ITGAD: variants seen among roughly 807,000 people sequenced by gnomAD.
The protein encoded by ITGAD is integrin subunit alpha D, also known as integrin alpha-D.
A neutral mutation model predicts 139.0 loss-of-function variants in ITGAD; 105 were observed. The observed-to-expected ratio is 0.76, with a 90% confidence interval of 0.65 to 0.89. ITGAD has a LOEUF of 0.89. ITGAD is among the 40% of genes least tolerant of loss of function. The probability of loss-of-function intolerance (pLI) is 0.00; values close to 1 mark genes in which losing one functional copy is unlikely to be tolerated. For missense variants in ITGAD, 1,384 were observed against 1,487.3 expected (o/e 0.93, Z 1.14); for synonymous variants, 569 against 598.3 (o/e 0.95, Z 0.71).
At chr16:31,413,800 C>A (rs1023557396) in intron 16 of ITGAD, among the ~76,000 whole-genome samples, 1 of 152,148 alleles carries the variant, frequency 6.6e-6, no homozygotes, top group Non-Finnish European at 1.5e-5. Context: ...TTCCCATGGT[C>A]CCGGATGTTC....
intron 26 of ITGAD, 41 bp from the exon 27 acceptor site, chr16:31,423,804 C>T: frequency 6.2e-7 from 1 of 1,601,992 alleles, no homozygotes; most frequent in Non-Finnish European, 8.5e-7. Flanking sequence ...GCTCCCTCCT[C>T]AGGGAAGAAC....
In ITGAD at chr16:31,414,543, T is replaced by C. The variant is rs1306801867; in HGVS notation, c.2089T>C (p.Leu697=). The C allele has an allele frequency of 6.2e-7, 1 of 1,614,206 alleles. No individual in the cohort carries two copies. Among genetic ancestry groups the C allele is most frequent in the Non-Finnish European group, 8.5e-7 (1 of 1,180,048 alleles). The change falls in exon 17 of 30, where the codon TTG becomes CTG. Residue 697 remains leucine (L), a synonymous_variant. Transcript: ENST00000389202. ...TTTCAATGAAACCAAGAACCCCACT[T>C]TGACTCGAAGAAAAACCCTGGGACT... ...AIFNETKNPT[L]TRRKTLGLGI...
At position 31,414,878 on chromosome 16, in the gene ITGAD, G is replaced by C; in HGVS notation, c.2170G>C (p.Val724Leu). 1 of 1,614,108 alleles carries C rather than the reference G, an allele frequency of 6.2e-7. No homozygotes were observed. Among genetic ancestry groups the C allele is most frequent in the Non-Finnish European group, 8.5e-7 (1 of 1,180,008 alleles). ...LLLPDCVEDV[V>L]SPIILHLNFS... Reference sequence around the variant, plus strand: ...CTCTCAGGATTGTGTGGAGGATGTGGTGAGCCCCATCATTCTGCACCTCAA... The same window carrying C: ...CTCTCAGGATTGTGTGGAGGATGTGCTGAGCCCCATCATTCTGCACCTCAA... The change falls in exon 18 of 30, where the codon GTG (valine) becomes CTG (leucine). Residue 724 changes from valine (V) to leucine (L), a missense_variant. Transcript: ENST00000389202.
intron 10 of ITGAD, 99 bp downstream of exon 10, chr16:31,408,597 C>T (rs1257927916): frequency 2.9e-6 from 3 of 1,036,476 alleles, no homozygotes; most frequent in Non-Finnish European, 4.4e-6. Context: ...GAGCAGACCC[C>T]ATCCTCAATC....
Position 31,418,067 on chromosome 16 carries a change from T to A in ITGAD, c.2500-8T>A, listed in dbSNP as rs772335571. 3 of 1,611,812 alleles carry A rather than the reference T, an allele frequency of 1.9e-6. No homozygotes were observed. In the South Asian group the frequency reaches 3.3e-5, roughly 18 times the overall value. ...GGTAACTTCTTAAAATTCATTCTCC[T>A]CCCCTAGAAGCAGCCCCATCAGAGT... On this transcript the variant is annotated splice_polypyrimidine_tract_variant and splice_region_variant and intron_variant, in intron 20 of 29. Transcript: ENST00000389202.
At chr16:31,418,619 C>T in intron 23 of ITGAD, 55 bp downstream of exon 23, 1 of 1,335,254 alleles carries the variant, frequency 7.5e-7, no homozygotes, top group Non-Finnish European at 1.1e-6. Flanking sequence ...ATGCCTGGTA[C>T]TCCTTCTGAG....
Position 31,403,671 on chromosome 16 carries a change from C to T in ITGAD, c.704+26C>T, listed in dbSNP as rs759323505. On this transcript the variant is annotated intron_variant, in intron 7 of 29. Transcript: ENST00000389202. This position sits in a 1 kb window ranked among gnomAD's most constrained non-coding sequence, Gnocchi z 4.4. The stretch of plus-strand genomic sequence containing the variant: ...GTAAGCAACCCCGACCCCAGCCTGG[C>T]GATGTGACTGCCACCCCCACTTCCT... The T allele has an allele frequency of 2.4e-5, 38 of 1,613,248 alleles. No homozygotes were observed. The highest frequency in any genetic ancestry group is 5.3e-5 in the African/African-American group (4 of 74,904).
At chr16:31,399,843 T>A (rs761808647) in intron 5 of ITGAD, among the ~76,000 whole-genome samples, 2 of 152,128 alleles carry the variant, frequency 1.3e-5, no homozygotes, top group Non-Finnish European at 2.9e-5. Flanking sequence ...CCTTATTGCA[T>A]CCTCACAACA....
chr16:31,413,346 C>T (rs2081789556), intron 16 of ITGAD, 100 bp downstream of exon 16: 3 of 1,229,572 alleles, frequency 2.4e-6, no homozygotes, highest in Non-Finnish European at 3.4e-6. Flanking sequence ...ATCTTACCTC[C>T]ACATTCACTC....
intron 6 of ITGAD, chr16:31,402,732 A>G (rs1324306282): frequency 6.5e-6 from 1 of 153,572 alleles, no homozygotes; most frequent in Non-Finnish European, 1.4e-5. Context: ...CCTCCTGAGT[A>G]GATGGGACTA....
At position 31,401,630 on chromosome 16, in the gene ITGAD, C is replaced by A. The variant is rs564286762; in HGVS notation, c.428-485C>A. Among the ~76,000 whole-genome samples, 58 of 152,330 alleles carry A rather than the reference C, an allele frequency of 3.8e-4. No homozygotes were observed. The South Asian group carries it at 0.011, about 30-fold the overall frequency. On this transcript the variant is annotated intron_variant, in intron 5 of 29. Coordinates refer to ENST00000389202, the MANE Select transcript of ITGAD (RefSeq NM_005353.3). The stretch of plus-strand genomic sequence containing the variant: ...AGAGGGCCAGGACTTGTCTCCAGCA[C>A]CCATGTGCGTGTTGCTTTATCCTTG...
chr16:31,409,015 C>T (rs1260024658), intron 10 of ITGAD, among the ~76,000 whole-genome samples: 2 of 152,132 alleles, frequency 1.3e-5, no homozygotes, highest in African/African-American at 2.4e-5. Context: ...CAGATGGGGC[C>T]GGTCACTGTG....
intron 12 of ITGAD, 66 bp downstream of exon 12, chr16:31,410,944 G>T: frequency 6.3e-7 from 1 of 1,597,616 alleles, no homozygotes; most frequent in South Asian, 1.1e-5. Context: ...GACAGTGGCC[G>T]GGGCTAGGGA....
chr16:31,402,282 C>A, intron 6 of ITGAD, 37 bp downstream of exon 6: 1 of 177,356 alleles, frequency 5.6e-6, no homozygotes, highest in Non-Finnish European at 9.4e-6. Context: ...GTTTGGGGGA[C>A]GGGGGAGGCT....
intron 23 of ITGAD, among the ~76,000 whole-genome samples, chr16:31,422,027 C>T (rs929550076): frequency 2.6e-5 from 4 of 152,052 alleles, no homozygotes; most frequent in Admixed American, 2.6e-4. Flanking sequence ...ACCTCCCAGG[C>T]TCAAGCAATC....
chr16:31,415,091 C>T (rs1288047715), intron 18 of ITGAD, 100 bp downstream of exon 18: 30 of 1,383,800 alleles, frequency 2.2e-5, no homozygotes, highest in Non-Finnish European at 2.7e-5. Context: ...CACATCCAGT[C>T]CAGAAACCTG....
At position 31,418,191 on chromosome 16, in the gene ITGAD, C is replaced by T. The variant is rs145843729; in HGVS notation, c.2616C>T (p.Asn872=). The T allele has an allele frequency of 2.5e-5, 40 of 1,612,614 alleles. No individual in the cohort carries two copies. Among genetic ancestry groups the T allele is most frequent in the Non-Finnish European group, 2.5e-5 (30 of 1,178,740 alleles). The change falls in exon 21 of 30, where the codon AAC becomes AAT. Residue 872 remains asparagine (N), a splice_region_variant and synonymous_variant. Coordinates refer to ENST00000389202, the MANE Select transcript of ITGAD (RefSeq NM_005353.3). ...VNHPIFHEGS[N]GTFIVTFDVS... ...ACCCCATCTTCCATGAGGGCTCTAA[C>T]GTCAGTGCTTCTCCCTAAATCCCCA... is the stretch of plus-strand genomic sequence containing the variant.
chr16:31,397,937 T>C, intron 5 of ITGAD, 28 bp downstream of exon 5: 3 of 1,550,616 alleles, frequency 1.9e-6, no homozygotes, highest in Non-Finnish European at 2.7e-6. Context: ...CATGGTTCCC[T>C]GTGGAGCACA....
At chr16:31,393,519 T>A in intron 1 of ITGAD, 128 bp downstream of exon 1, 1 of 984,942 alleles carries the variant, frequency 1.0e-6, no homozygotes, top group Non-Finnish European at 1.6e-6. Context: ...GGGGAGTGCT[T>A]CATGTGCGAG....
Sources: gnomAD v4.1 joint callset for allele counts (sites outside exome capture counted in the v4.1 genomes callset) on GRCh38, gnomAD v4.1.1 for gene constraint, Gnocchi (gnomAD v3.1) non-coding constraint, MANE v1.5 for transcripts, NCBI Gene and HGNC (gene_info 2026-07-23, HGNC 2026-07-21) for gene names.